Variants in PCDHGA4 observed in about 807,000 individuals in gnomAD.
PCDHGA4 encodes the protein protocadherin gamma-A4.
Under a neutral mutation model 54.6 loss-of-function variants are expected in PCDHGA4, and 38 were observed. The observed-to-expected ratio is 0.70, with a 90% CI of 0.54 to 0.91. The LOEUF (loss-of-function observed/expected upper bound fraction) is 0.91. Ranked by LOEUF, PCDHGA4 falls within the 40% of genes least tolerant of loss-of-function variation. The pLI is 0.00. For missense variants in PCDHGA4, 1,298 were observed against 1,220.9 expected (o/e 1.06, Z -0.94); for synonymous variants, 511 against 512.9 (o/e 1.00, Z 0.05).
At chr5:141,495,095 G>C (rs67264863) in intron 2 of PCDHGA4, among the ~76,000 whole-genome samples, 9,751 of 152,126 alleles carry the variant, frequency 0.064, 363 homozygotes, top group South Asian at 0.11. Context: ...TTCCCTCCTC[G>C]CCACGACCGG....
chr5:141,424,391 C>T (rs2096818270), intron 1 of PCDHGA4: 1 of 152,106 alleles, frequency 6.6e-6, no homozygotes, highest in South Asian at 2.1e-4. Flanking sequence ...GATGTCTTTT[C>T]CATTACTATG....
At position 141,422,330 on chromosome 5, in the gene PCDHGA4, C is replaced by T. The variant is rs200342957; in HGVS notation, c.2514+64709C>T. 1,454 of 1,548,164 alleles carry T rather than the reference C, an allele frequency of 9.4e-4. 3 individuals carry two copies. The highest frequency in any genetic ancestry group is 7.9e-4 in the Non-Finnish European group (910 of 1,153,526). On this transcript the variant is annotated intron_variant, in intron 1 of 3. Transcript: ENST00000571252. The stretch of plus-strand genomic sequence containing the variant: ...AACTCTCCTCCAGGTACAGTGATTG[C>T]TCTTCTAAATGTGCAAGATCAAGAT...
chr5:141,505,155 C>T (rs2099844224), intron 2 of PCDHGA4, among the ~76,000 whole-genome samples: 1 of 152,162 alleles, frequency 6.6e-6, no homozygotes, highest in Non-Finnish European at 1.5e-5. Context: ...GAGTAAGACC[C>T]TGTCTAAAAC....
chr5:141,392,766 C>A, intron 1 of PCDHGA4: 1 of 1,489,084 alleles, frequency 6.7e-7, no homozygotes, highest in South Asian at 1.4e-5. Flanking sequence ...AAATAAGACC[C>A]ATTTATGCAC....
intron 1 of PCDHGA4, chr5:141,419,646 C>T (rs1433992932): frequency 6.2e-7 from 1 of 1,612,470 alleles, no homozygotes; most frequent in Admixed American, 1.7e-5. Flanking sequence ...GCCGTGGACG[C>T]GGACTCGGGG....
chr5:141,404,641 G>C, intron 1 of PCDHGA4: 2 of 1,614,178 alleles, frequency 1.2e-6, no homozygotes, highest in Non-Finnish European at 1.7e-6. Context: ...CAGAAATCCT[G>C]TACCCTGCCC....
intron 1 of PCDHGA4, among the ~76,000 whole-genome samples, chr5:141,443,876 G>C (rs2098409251): frequency 6.6e-6 from 1 of 152,152 alleles, no homozygotes; most frequent in South Asian, 2.1e-4. Flanking sequence ...TTACTGATAA[G>C]TCAAGAGAAA....
intron 1 of PCDHGA4, chr5:141,371,519 T>C (rs1767815270): frequency 3.1e-6 from 5 of 1,613,838 alleles, no homozygotes; most frequent in Middle Eastern, 1.6e-4. Context: ...ATGATCTAGA[T>C]TCTGGATTTA....
intron 1 of PCDHGA4, chr5:141,441,726 C>A: frequency 2.8e-6 from 1 of 353,524 alleles, no homozygotes; most frequent in Non-Finnish European, 5.6e-6. Flanking sequence ...GGCCCGCGAC[C>A]AGGACTAGCT....
intron 1 of PCDHGA4, chr5:141,423,261 C>T (rs1181343306): frequency 6.2e-7 from 1 of 1,613,870 alleles, no homozygotes; most frequent in Non-Finnish European, 8.5e-7. Flanking sequence ...ACCTCGGCAG[C>T]CTCGAGTCTC....
intron 1 of PCDHGA4, chr5:141,374,167 A>G (rs1320540619): frequency 1.9e-6 from 3 of 1,613,124 alleles, no homozygotes; most frequent in Non-Finnish European, 2.5e-6. Flanking sequence ...GGGCCGCGGC[A>G]GCGCAGATCC....
At chr5:141,395,410 AT>A (rs1180706569) in intron 1 of PCDHGA4, 2 of 801,646 alleles carry the variant, frequency 2.5e-6, no homozygotes, top group African/African-American at 3.5e-5. Flanking sequence ...GTCATAGGTT[AT>A]TGTTTCATTT....
chr5:141,365,324 A>T, intron 1 of PCDHGA4: 1 of 1,613,936 alleles, frequency 6.2e-7, no homozygotes, highest in Non-Finnish European at 8.5e-7. Context: ...TGCCAGCGCT[A>T]AGGTGGTGGT....
At position 141,487,710 on chromosome 5, in the gene PCDHGA4, G is replaced by A. The variant is rs199722860; in HGVS notation, c.2515-7097G>A. ...CTAGAGAGTACTGGCCTCTCAGTAA[G>A]TGCCCATAGTGATGTCACCATTTTT... On this transcript the variant is annotated intron_variant, in intron 1 of 3. Transcript: ENST00000571252. The surrounding 1 kb of genome is among the most constrained non-coding windows in gnomAD (Gnocchi z 5.0). 3.8e-4 allele frequency: 596 copies of A among 1,586,168 alleles called. No individual in the cohort carries two copies. The highest frequency in any genetic ancestry group is 4.5e-4 in the Non-Finnish European group (529 of 1,164,386).
At chr5:141,506,865 G>T (rs1403350484) in intron 3 of PCDHGA4, among the ~76,000 whole-genome samples, 1 of 152,186 alleles carries the variant, frequency 6.6e-6, no homozygotes, top group African/African-American at 2.4e-5. Flanking sequence ...GGACTGGTGG[G>T]TAGAGAACCA....
At chr5:141,495,896 CTCTG>C (rs1175207502) in intron 2 of PCDHGA4, among the ~76,000 whole-genome samples, 2 of 152,108 alleles carry the variant, frequency 1.3e-5, no homozygotes, top group Non-Finnish European at 2.9e-5. Flanking sequence ...CTCTCTTTGT[CTCTG>C]TCTCTGTATA....
Position 141,476,876 on chromosome 5 carries a change from C to A in PCDHGA4, c.2515-17931C>A, listed in dbSNP as rs1201654822. 1.2e-6 allele frequency: 2 copies of A among 1,613,994 alleles called. No individual in the cohort carries two copies. Among genetic ancestry groups the A allele is most frequent in the Non-Finnish European group, 1.7e-6 (2 of 1,180,048 alleles). ...CCAGTCCTTGTACCGGGCGCGCGTC[C>A]TGGAGGATGCACCCTCCGGCACGCG... On this transcript the variant is annotated intron_variant, in intron 1 of 3. Transcript: ENST00000571252. The surrounding 1 kb of genome is among the most constrained non-coding windows in gnomAD (Gnocchi z 7.6).
intron 1 of PCDHGA4, chr5:141,428,257 G>A: frequency 1.2e-6 from 1 of 865,864 alleles, no homozygotes; most frequent in Non-Finnish European, 1.9e-6. Context: ...AGACTTCAGT[G>A]ACAGTCCTGT....
intron 3 of PCDHGA4, among the ~76,000 whole-genome samples, chr5:141,510,440 C>T (rs1251795430): frequency 6.6e-6 from 1 of 152,066 alleles, no homozygotes; most frequent in Non-Finnish European, 1.5e-5. Context: ...TGCTGCCCTC[C>T]AGGAGCCCAT....
Sources: gnomAD v4.1 joint callset for allele counts (sites outside exome capture counted in the v4.1 genomes callset) on GRCh38, gnomAD v4.1.1 for gene constraint, Gnocchi (gnomAD v3.1) non-coding constraint, MANE v1.5 for transcripts, NCBI Gene and HGNC (gene_info 2026-07-23, HGNC 2026-07-21) for gene names.